Variants in MINPP1 observed in about 807,000 individuals in gnomAD.
MINPP1 encodes multiple inositol polyphosphate phosphatase 1.
Under a neutral mutation model 46.1 loss-of-function variants are expected in MINPP1, and 28 were observed. The observed-to-expected ratio is 0.61, with a 90% CI of 0.45 to 0.83. The LOEUF (loss-of-function observed/expected upper bound fraction) is 0.83. Among genes scored for constraint, MINPP1 ranks in the 40% least tolerant of loss-of-function variants. The probability of loss-of-function intolerance (pLI) is 0.00; values close to 1 mark genes in which losing one functional copy is unlikely to be tolerated. For missense variants in MINPP1, 603 were observed against 610.0 expected, an observed-to-expected ratio of 0.99 and a Z score of 0.12; for synonymous variants, 268 against 249.1, an observed-to-expected ratio of 1.08 and a Z score of -0.72.
intron 4 of MINPP1, among the ~76,000 whole-genome samples, chr10:87,541,584 T>G (rs1486748968): frequency 6.6e-6 from 1 of 152,192 alleles, no homozygotes; most frequent in Non-Finnish European, 1.5e-5. Flanking sequence ...CATTCTTGCA[T>G]TGCTATAAAG....
chr10:87,526,031 T>C (rs1194995383), intron 4 of MINPP1, among the ~76,000 whole-genome samples: 1 of 152,248 alleles, frequency 6.6e-6, no homozygotes, highest in Non-Finnish European at 1.5e-5. Context: ...TGCATGTATC[T>C]TTATAGCAGC....
chr10:87,514,780 A>G (rs2131807665), intron 3 of MINPP1, among the ~76,000 whole-genome samples: 1 of 152,068 alleles, frequency 6.6e-6, no homozygotes, highest in East Asian at 1.9e-4. Flanking sequence ...CAGTGGCGCA[A>G]TCTCAGCTAA....
chr10:87,551,197 G>A (rs764085725), intron 4 of MINPP1, among the ~76,000 whole-genome samples: 2 of 151,850 alleles, frequency 1.3e-5, no homozygotes, highest in Non-Finnish European at 2.9e-5. Flanking sequence ...TGTGTGTTGG[G>A]GGCAGAGGGA....
intron 4 of MINPP1, among the ~76,000 whole-genome samples, chr10:87,531,305 C>T (rs1441691890): frequency 6.6e-6 from 1 of 152,228 alleles, no homozygotes; most frequent in East Asian, 1.9e-4. Context: ...TAGACTGGAG[C>T]TGTTCTTGGA....
chr10:87,536,876 A>T (rs7893912), intron 4 of MINPP1, among the ~76,000 whole-genome samples: 129,939 of 152,262 alleles, frequency 0.85, 55,802 homozygotes, highest in African/African-American at 0.95. Flanking sequence ...GTATGTTATG[A>T]TTTGATTTCT....
intron 4 of MINPP1, among the ~76,000 whole-genome samples, chr10:87,523,491 C>T (rs1391479284): frequency 6.7e-6 from 1 of 148,454 alleles, no homozygotes; most frequent in Non-Finnish European, 1.5e-5. Flanking sequence ...GCTGGGACTA[C>T]AGGCACCTGC....
At chr10:87,532,144 CAAG>C (rs1394484585) in intron 4 of MINPP1, among the ~76,000 whole-genome samples, 1 of 152,184 alleles carries the variant, frequency 6.6e-6, no homozygotes, top group East Asian at 1.9e-4. Flanking sequence ...ATAATGAAAA[CAAG>C]AGCTTTGTGA....
At chr10:87,512,234 C>G (rs1589369853) in intron 2 of MINPP1, among the ~76,000 whole-genome samples, 1 of 152,128 alleles carries the variant, frequency 6.6e-6, no homozygotes, top group Non-Finnish European at 1.5e-5. Context: ...CTCTTCAATA[C>G]CCATATGTAT....
At chr10:87,543,954 G>T (rs1478821480) in intron 4 of MINPP1, among the ~76,000 whole-genome samples, 4 of 152,204 alleles carry the variant, frequency 2.6e-5, no homozygotes, top group Non-Finnish European at 4.4e-5. Flanking sequence ...CAACTTCTGT[G>T]ACCCAGTGTT....
chr10:87,517,547 A>G (rs561410572), intron 3 of MINPP1, among the ~76,000 whole-genome samples: 1 of 152,314 alleles, frequency 6.6e-6, no homozygotes, highest in African/African-American at 2.4e-5. Flanking sequence ...TAAAAATGAA[A>G]AAAGATTTAT....
rs757193164 is a variant in MINPP1, at chr10:87,513,162, C to G, written c.874C>G (p.Leu292Val). 6.2e-7 allele frequency: 1 copy of G among 1,613,596 alleles called. No individual in the cohort carries two copies. The highest frequency in any genetic ancestry group is 1.1e-5 in the South Asian group (1 of 91,070). The change falls in exon 3 of 5, where the codon CTG (leucine) becomes GTG (valine). Residue 292 changes from leucine to valine, a missense_variant. Transcript: ENST00000371996. ...AGCCTTTTTCACCTGTTCATTTGAC[C>G]TGGCAATTAAAGGTGTTAAATCTCC... Reference protein sequence around the residue: ...QVAFFTCSFDLAIKGVKSPWC... With the variant: ...QVAFFTCSFDVAIKGVKSPWC...
rs186502013 is a variant in MINPP1 at position 87,534,806 on chromosome 10, T to C, written c.1067+13637T>C. Among the ~76,000 whole-genome samples, 97 of 152,342 alleles carry C rather than the reference T, an allele frequency of 6.4e-4. 1 individual carries two copies. The highest frequency in any genetic ancestry group is 2.2e-3 in the African/African-American group (93 of 41,570). On this transcript the variant is annotated intron_variant, in intron 4 of 4. Transcript: ENST00000371996. ...TAAGTGTCCTATTTTAGAAATATGC[T>C]AGTTGAATCTGGATAACTGTGTCAG...
chr10:87,533,129 C>G (rs971147041), intron 4 of MINPP1, among the ~76,000 whole-genome samples: 1 of 152,010 alleles, frequency 6.6e-6, no homozygotes, highest in Non-Finnish European at 1.5e-5. Context: ...CCATCCCACC[C>G]CTACCCCTTG....
chr10:87,521,447 T>A (rs1030216481), intron 4 of MINPP1, among the ~76,000 whole-genome samples: 1 of 152,156 alleles, frequency 6.6e-6, no homozygotes, highest in Non-Finnish European at 1.5e-5. Context: ...GCCCTTCCCT[T>A]TCCTCCAGAA....
rs765012386 is a variant in MINPP1, at chr10:87,505,567, G to T, written c.637+15G>T. The stretch of plus-strand genomic sequence containing the variant: ...GGACGTCGCAGGTGACCCCCCGGGC[G>T]GCCCGTGTGCTGTCCCGGTCCTCCC... On this transcript the variant is annotated intron_variant, in intron 1 of 4. Coordinates refer to ENST00000371996, the MANE Select transcript of MINPP1 (RefSeq NM_004897.5). The surrounding 1 kb of genome is among the most constrained non-coding windows in gnomAD (Gnocchi z 4.4). 5.2e-5 allele frequency: 83 copies of T among 1,593,354 alleles called. No homozygotes were observed. The highest frequency in any genetic ancestry group is 6.9e-5 in the Non-Finnish European group (81 of 1,175,796).
chr10:87,540,105 A>C (rs1430304512), intron 4 of MINPP1, among the ~76,000 whole-genome samples: 1 of 152,180 alleles, frequency 6.6e-6, no homozygotes, highest in Non-Finnish European at 1.5e-5. Flanking sequence ...CCTGGGCTCA[A>C]GCAGTTCTCC....
At chr10:87,507,956 T>G in intron 1 of MINPP1, 2 of 1,331,132 alleles carry the variant, frequency 1.5e-6, no homozygotes, top group Non-Finnish European at 1.9e-6. Flanking sequence ...AGTGAAAAAA[T>G]AGATTCCATA....
chr10:87,544,669 CAATATCATTGGAACCTTAAGA>C (rs1851863718), intron 4 of MINPP1, among the ~76,000 whole-genome samples: 1 of 152,042 alleles, frequency 6.6e-6, no homozygotes, highest in African/African-American at 2.4e-5. Context: ...TTATATTTCA[CAATATCATTGGAACCTTAAGA>C]AAGAAGCCTC....
chr10:87,527,471 T>C (rs1261804521), intron 4 of MINPP1, among the ~76,000 whole-genome samples: 1 of 152,226 alleles, frequency 6.6e-6, no homozygotes, highest in Non-Finnish European at 1.5e-5. Context: ...TTGAGAGTTT[T>C]TAGCATGAAG....
Sources: allele counts gnomAD v4.1 joint callset (sites outside exome capture counted in the v4.1 genomes callset), GRCh38; gene constraint gnomAD v4.1.1; non-coding constraint Gnocchi (gnomAD v3.1); transcripts MANE v1.5; gene names NCBI Gene and HGNC (gene_info 2026-07-23, HGNC 2026-07-21).